VIPAS39: variants seen among roughly 807,000 people sequenced by gnomAD.
VIPAS39 encodes the protein spermatogenesis-defective protein 39 homolog.
A neutral mutation model predicts 84.7 loss-of-function variants in VIPAS39; 63 were observed. The ratio of observed to expected loss-of-function variants is 0.74; its 90% CI spans 0.61 to 0.92. The LOEUF is 0.92. VIPAS39 is among the 40% of genes least tolerant of loss of function. The pLI, the probability that VIPAS39 is intolerant of heterozygous loss-of-function variation, is 0.00. For synonymous variants in VIPAS39, 192 were observed against 216.5 expected (o/e 0.89, Z 0.99); for missense variants, 499 against 604.5 (o/e 0.83, Z 1.83).
At chr14:77,431,445 C>T (rs1490140448) in intron 16 of VIPAS39, among the ~76,000 whole-genome samples, 1 of 152,168 alleles carries the variant, frequency 6.6e-6, no homozygotes, top group Non-Finnish European at 1.5e-5. Context: ...CACTAAACAT[C>T]AGGGAAATGC....
chr14:77,440,055 T>A (rs1003327614), intron 11 of VIPAS39, among the ~76,000 whole-genome samples: 5 of 152,210 alleles, frequency 3.3e-5, no homozygotes, highest in South Asian at 4.1e-4. Flanking sequence ...GCTAATTTTT[T>A]AAATTTTTTT....
intron 1 of VIPAS39, among the ~76,000 whole-genome samples, chr14:77,456,147 TTC>T (rs2078956692): frequency 6.6e-6 from 1 of 152,212 alleles, no homozygotes; most frequent in Non-Finnish European, 1.5e-5. Context: ...ACTGACATTT[TTC>T]TGTCTTGGTT....
At position 77,453,180 on chromosome 14, in the gene VIPAS39, T is replaced by C. The variant is rs970090293; in HGVS notation, c.196+119A>G. ...TTAAGTTTCCAGATGTATGCTTATC[T>C]GAAAATAGTCTTATCCTAGTCCCTC... On this transcript the variant is annotated intron_variant, in intron 3 of 19. Coordinates refer to ENST00000557658, the MANE Select transcript of VIPAS39 (RefSeq NM_001193315.2). 5.6e-6 allele frequency: 6 copies of C among 1,077,972 alleles called. No homozygotes were observed. The Middle Eastern group carries it at 6.0e-4, about 108-fold the overall frequency. The allele number at this position is 1,077,972 out of a possible 1,614,324, so 66.8% of individuals were successfully genotyped here. A position where few individuals can be genotyped will look rare whatever the true frequency, so the allele number is the denominator to read the frequency against.
chr14:77,451,148 G>C (rs1250722088), intron 4 of VIPAS39, 39 bp downstream of exon 4: 1 of 1,613,956 alleles, frequency 6.2e-7, no homozygotes, highest in Middle Eastern at 1.7e-4. Context: ...TCTGGAAAAA[G>C]AGAAGGACTT....
intron 10 of VIPAS39, among the ~76,000 whole-genome samples, chr14:77,441,770 C>T (rs2078707032): frequency 6.6e-6 from 1 of 152,202 alleles, no homozygotes; most frequent in South Asian, 2.1e-4. Context: ...GCTGGAGTCA[C>T]TGGATATCAG....
rs376037274 is a variant in VIPAS39, at chr14:77,451,305, A to G, written c.225T>C (p.Ala75=). ...CCTCGTGGGTTGAGCCGCTATTACC[A>G]GCAGTCTCTCTGATGGACCATGAGA... ...GSISWSIRET[A]GNSGSTHEGR... Residue 75 remains alanine (A), a synonymous_variant, in exon 4 of 20, where the codon GCT becomes GCC. Transcript: ENST00000557658. 56 of 1,614,108 alleles carry G rather than the reference A, an allele frequency of 3.5e-5. No individual in the cohort carries two copies. The highest frequency in any genetic ancestry group is 4.6e-5 in the Non-Finnish European group (54 of 1,180,042).
chr14:77,438,213 A>G (rs1339367759), intron 11 of VIPAS39, among the ~76,000 whole-genome samples: 1 of 148,578 alleles, frequency 6.7e-6, no homozygotes, highest in East Asian at 2.0e-4. Context: ...ATTGGACAAC[A>G]CAAATATGGA....
chr14:77,443,554 G>C (rs1267296310), intron 8 of VIPAS39, among the ~76,000 whole-genome samples: 3 of 152,010 alleles, frequency 2.0e-5, no homozygotes, highest in Non-Finnish European at 4.4e-5. Flanking sequence ...TGTGAGATCA[G>C]CTTGGGCAAC....
rs1405712671 is a variant in VIPAS39 at position 77,426,708 on chromosome 14, G to A, written c.*908C>T. ...CAAGGAAGAAATACCTTTATTAGGA[G>A]TCTAGGCATGTCAGAAAAACCCAGT... On this transcript the variant is annotated 3_prime_UTR_variant, in exon 20 of 20. Transcript: ENST00000557658. 6.6e-6 allele frequency: 1 copy of A among 152,278 alleles called. No homozygotes were observed. The highest frequency in any genetic ancestry group is 1.5e-5 in the Non-Finnish European group (1 of 68,088). 9.4% of individuals were successfully genotyped at this position (152,278 alleles called of 1,614,324 possible). A position where few individuals can be genotyped will look rare whatever the true frequency, so the allele number is the denominator to read the frequency against.
chr14:77,442,877 T>C (rs1206744464), intron 9 of VIPAS39, among the ~76,000 whole-genome samples: 8 of 152,188 alleles, frequency 5.3e-5, no homozygotes, highest in Admixed American at 5.2e-4. Flanking sequence ...CAGCAGGCAC[T>C]TAGCATGGAC....
intron 11 of VIPAS39, among the ~76,000 whole-genome samples, chr14:77,438,218 T>C (rs2078645380): frequency 1.4e-5 from 2 of 142,722 alleles, no homozygotes; most frequent in East Asian, 2.2e-4. Context: ...ACAACACAAA[T>C]ATGGAAAATT....
intron 7 of VIPAS39, among the ~76,000 whole-genome samples, chr14:77,444,550 T>C (rs996386260): frequency 1.3e-5 from 2 of 152,230 alleles, no homozygotes; most frequent in Admixed American, 6.5e-5. Flanking sequence ...GCTAATGTCC[T>C]GAAGTCTTGA....
chr14:77,434,176 C>T, intron 15 of VIPAS39, 86 bp downstream of exon 15: 1 of 1,396,518 alleles, frequency 7.2e-7, no homozygotes, highest in Non-Finnish European at 1.0e-6. Context: ...TATCAAAGGA[C>T]ACACTGTACA....
intron 14 of VIPAS39, 30 bp from the exon 15 acceptor site, chr14:77,434,333 T>C (rs758345667): frequency 1.2e-6 from 2 of 1,610,610 alleles, no homozygotes; most frequent in South Asian, 1.1e-5. Context: ...GGAACTTTAG[T>C]GATATTGACT....
intron 10 of VIPAS39, among the ~76,000 whole-genome samples, chr14:77,441,927 G>T (rs1245332908): frequency 1.3e-5 from 2 of 152,100 alleles, no homozygotes; most frequent in Non-Finnish European, 2.9e-5. Flanking sequence ...CATGATAGAA[G>T]ACCTCAGCCC....
chr14:77,437,729 C>A lies in VIPAS39; in HGVS notation c.836+79G>T, dbSNP rs1373559500. 2.8e-6 allele frequency: 4 copies of A among 1,449,554 alleles called. No individual in the cohort carries two copies. The African/African-American group carries it at 5.6e-5, about 20-fold the overall frequency. 89.8% of individuals were successfully genotyped at this position (1,449,554 alleles called of 1,614,324 possible). A position where few individuals can be genotyped will look rare whatever the true frequency, so the allele number is the denominator to read the frequency against. ...GTTAGCCCTCCCCTTCCTGCCTATC[C>A]ATTCCACCCTTTTTAATTTTCTTCA... On this transcript the variant is annotated intron_variant, in intron 12 of 19. Transcript: ENST00000557658.
chr14:77,450,533 T>C lies in VIPAS39; in HGVS notation c.343+654A>G, dbSNP rs570288871. Among the ~76,000 whole-genome samples the C allele has an allele frequency of 2.0e-5, 3 of 152,320 alleles. No homozygotes were observed. In the South Asian group the frequency reaches 6.2e-4, roughly 32 times the overall value. ...TATGTTATTTATTTATTTATTGAGA[T>C]GGAGTTTTGCTCTGTCACCCAGGCT... is the stretch of plus-strand genomic sequence containing the variant. On this transcript the variant is annotated intron_variant, in intron 4 of 19. Transcript: ENST00000557658.
chr14:77,439,686 G>A (rs370553971), intron 11 of VIPAS39, among the ~76,000 whole-genome samples: 1 of 151,998 alleles, frequency 6.6e-6, no homozygotes, highest in South Asian at 2.1e-4. Context: ...AGCTACTTGG[G>A]AGCCTAAGGC....
intron 18 of VIPAS39, 86 bp downstream of exon 18, chr14:77,428,920 A>C (rs2078474562): frequency 7.9e-7 from 1 of 1,271,878 alleles, no homozygotes; most frequent in Non-Finnish European, 1.1e-6. Flanking sequence ...GGAGCACCTC[A>C]GGATCTTGGA....
Sources: gnomAD v4.1 joint callset for allele counts (sites outside exome capture counted in the v4.1 genomes callset) on GRCh38, gnomAD v4.1.1 for gene constraint, MANE v1.5 for transcripts, NCBI Gene and HGNC (gene_info 2026-07-23, HGNC 2026-07-21) for gene names.